The following PLAA variants were observed in gnomAD, a reference collection of about 807,000 sequenced individuals.
The protein encoded by PLAA is phospholipase A-2-activating protein.
PLAA carries 48 observed loss-of-function variants against 84.1 expected under a neutral mutation model. The ratio of observed to expected loss-of-function variants is 0.57; its 90% confidence interval spans 0.45 to 0.73. The LOEUF (loss-of-function observed/expected upper bound fraction) is 0.73, where lower values mean the gene tolerates loss of function less well. PLAA is among the 30% of genes least tolerant of loss of function. The pLI is 0.00. For synonymous variants in PLAA, 392 were observed against 336.6 expected (o/e 1.16, Z -1.80); for missense variants, 903 against 954.7 (o/e 0.95, Z 0.71).
chr9:26,905,496 C>G lies in PLAA; in HGVS notation c.*15G>C, dbSNP rs774443580. The G allele has an allele frequency of 2.6e-6, 4 of 1,553,280 alleles. 1 individual carries two copies. In the South Asian group the frequency reaches 3.6e-5, roughly 14 times the overall value. On this transcript the variant is annotated 3_prime_UTR_variant, in exon 14 of 14. Coordinates refer to ENST00000397292, the MANE Select transcript of PLAA (RefSeq NM_001031689.3). ...ACACTAATCAATTAAAAATATCCGT[C>G]CCTCTTCCCCACTGCTACAGCAAAT...
chr9:26,915,916 A>C, intron 10 of PLAA: 1 of 985,410 alleles, frequency 1.0e-6, no homozygotes, highest in Non-Finnish European at 1.2e-6. Context: ...ACTGTTTCTG[A>C]ACTGCTGATA....
intron 6 of PLAA, among the ~76,000 whole-genome samples, chr9:26,924,200 A>G (rs1036772118): frequency 4.7e-4 from 72 of 152,154 alleles, no homozygotes; most frequent in Non-Finnish European, 1.5e-5. Context: ...CGGCAATCAC[A>G]GCTCACTGCA....
rs1825320500 is a variant in PLAA at position 26,935,215 on chromosome 9, A to G, written c.150-9T>C. 1 of 1,528,482 alleles carries G rather than the reference A, an allele frequency of 6.5e-7. No homozygotes were observed. The highest frequency in any genetic ancestry group is 8.8e-7 in the Non-Finnish European group (1 of 1,141,854). The allele number at this position is 1,528,482 out of a possible 1,614,324, so 94.7% of individuals were successfully genotyped here. A position where few individuals can be genotyped will look rare whatever the true frequency, so the allele number is the denominator to read the frequency against. ...TAAAGCTCCTGTTTGGACTGGAAAG[A>G]CAAGATAATTAATAGATACATATTC... is the stretch of plus-strand genomic sequence containing the variant. On this transcript the variant is annotated splice_polypyrimidine_tract_variant and intron_variant, in intron 1 of 13. Coordinates refer to ENST00000397292, the MANE Select transcript of PLAA (RefSeq NM_001031689.3).
chr9:26,936,745 C>T (rs139281572), intron 1 of PLAA, among the ~76,000 whole-genome samples: 228 of 152,246 alleles, frequency 1.5e-3, no homozygotes, highest in Middle Eastern at 3.4e-3. Flanking sequence ...GCTTTGATCA[C>T]AGAGCAACAA....
chr9:26,934,638 C>T (rs1051499275), intron 2 of PLAA, among the ~76,000 whole-genome samples: 3 of 151,970 alleles, frequency 2.0e-5, no homozygotes, highest in African/African-American at 7.3e-5. Context: ...CATCACCACA[C>T]CTGGATAATT....
At chr9:26,937,715 A>C (rs1355108890) in intron 1 of PLAA, among the ~76,000 whole-genome samples, 1 of 152,134 alleles carries the variant, frequency 6.6e-6, no homozygotes, top group African/African-American at 2.4e-5. Context: ...CCTATAAAGA[A>C]ACCAAAAAGA....
intron 6 of PLAA, among the ~76,000 whole-genome samples, chr9:26,924,188 G>A (rs1824866001): frequency 6.6e-6 from 1 of 152,036 alleles, no homozygotes; most frequent in African/African-American, 2.4e-5. Context: ...GGAGTGCAGG[G>A]GCGGCAATCA....
chr9:26,928,414 G>T lies in PLAA; in HGVS notation c.344-6C>A. ...TCCAGATGATAGACTACAAACTAAG[G>T]AAAAAACATCATTGGATAACACATT... On this transcript the variant is annotated splice_polypyrimidine_tract_variant and splice_region_variant and intron_variant, in intron 2 of 13. Transcript: ENST00000397292. The T allele has an allele frequency of 6.5e-7, 1 of 1,546,342 alleles. No individual in the cohort carries two copies. The highest frequency in any genetic ancestry group is 1.1e-5 in the South Asian group (1 of 89,620).
intron 2 of PLAA, among the ~76,000 whole-genome samples, chr9:26,929,272 C>A (rs924368712): frequency 1.3e-5 from 2 of 151,536 alleles, no homozygotes; most frequent in Non-Finnish European, 2.9e-5. Context: ...GCATTTTGAA[C>A]TGAGCTCAGG....
intron 1 of PLAA, among the ~76,000 whole-genome samples, chr9:26,946,637 G>T (rs535735071): frequency 1.3e-5 from 2 of 152,286 alleles, no homozygotes; most frequent in Admixed American, 6.5e-5. Context: ...AAAACTGAAG[G>T]CCCAAAAGGT....
At chr9:26,915,959 C>T (rs1212575075) in intron 10 of PLAA, 1 of 985,412 alleles carries the variant, frequency 1.0e-6, no homozygotes, top group Non-Finnish European at 1.2e-6. Flanking sequence ...TCTTCAGATC[C>T]TTACTACCAT....
intron 1 of PLAA, among the ~76,000 whole-genome samples, chr9:26,936,663 T>C (rs1406409942): frequency 1.3e-5 from 2 of 152,198 alleles, no homozygotes; most frequent in African/African-American, 2.4e-5. Flanking sequence ...CTCACAGCTG[T>C]AGGAACTAGG....
Position 26,905,336 on chromosome 9 carries a change from C to A in PLAA, c.*175G>T. The A allele has an allele frequency of 1.8e-6, 1 of 557,026 alleles. No individual in the cohort carries two copies. Among genetic ancestry groups the A allele is most frequent in the South Asian group, 2.6e-5 (1 of 38,902 alleles). The allele number at this position is 557,026 out of a possible 1,614,324, so 34.5% of individuals were successfully genotyped here. On this transcript the variant is annotated 3_prime_UTR_variant, in exon 14 of 14. Transcript: ENST00000397292. ...CTACCCAAATTACACAGGAAAATCT[C>A]ACAGTTCAGCAGTGCAAAAATTTTA...
Position 26,935,064 on chromosome 9 carries a change from A to G in PLAA, c.292T>C (p.Ser98Pro). ...TAAAGTGGCATTGGACTGTCCAGTG[A>G]GAAAATGCATATATTGTGGTCATTT... ...GGNDHNICIFSLDSPMPLYIL... is the reference protein window; with the variant it reads ...GGNDHNICIFPLDSPMPLYIL... Residue 98 changes from serine to proline, a missense_variant, in exon 2 of 14, where the codon TCA (serine) becomes CCA (proline). Transcript: ENST00000397292. 6.2e-7 allele frequency: 1 copy of G among 1,609,634 alleles called. No homozygotes were observed. The highest frequency in any genetic ancestry group is 8.5e-7 in the Non-Finnish European group (1 of 1,178,506).
At chr9:26,925,996 T>A in intron 5 of PLAA, 36 bp from the exon 6 acceptor site, 3 of 1,546,674 alleles carry the variant, frequency 1.9e-6, no homozygotes, top group Non-Finnish European at 2.7e-6. Context: ...TTAGTTTGAA[T>A]AAAATTAAGT....
intron 13 of PLAA, among the ~76,000 whole-genome samples, chr9:26,907,453 C>T (rs1222190076): frequency 2.0e-5 from 3 of 147,856 alleles, no homozygotes; most frequent in Non-Finnish European, 4.5e-5. Context: ...GGCGTGAACC[C>T]GGGAGGCGGA....
At chr9:26,912,068 T>G (rs776220994) in intron 11 of PLAA, among the ~76,000 whole-genome samples, 5 of 152,130 alleles carry the variant, frequency 3.3e-5, no homozygotes, top group Admixed American at 1.3e-4. Flanking sequence ...AAAAGTTCCC[T>G]GATGGAAAAG....
At position 26,908,228 on chromosome 9, in the gene PLAA, C is replaced by G. The variant is rs143940586; in HGVS notation, c.1658-230G>C. Among the ~76,000 whole-genome samples, 15 of 146,038 alleles carry G rather than the reference C, an allele frequency of 1.0e-4. No homozygotes were observed. In the East Asian group the frequency reaches 3.0e-3, roughly 29 times the overall value. ...AGTCGCCCAGGCTGGAGTGCAGTGGCGCCATCTTGGCTCACTGCAAGCTCG... is the reference window on the plus strand; with the variant it reads ...AGTCGCCCAGGCTGGAGTGCAGTGGGGCCATCTTGGCTCACTGCAAGCTCG... On this transcript the variant is annotated intron_variant, in intron 12 of 13. Coordinates refer to ENST00000397292, the MANE Select transcript of PLAA (RefSeq NM_001031689.3).
intron 13 of PLAA, among the ~76,000 whole-genome samples, chr9:26,906,943 C>T (rs1233594761): frequency 6.9e-6 from 1 of 144,608 alleles, no homozygotes; most frequent in Non-Finnish European, 1.5e-5. Context: ...AAAAAAAAAA[C>T]ACCTACTGAA....
Sources: gnomAD v4.1 joint callset for allele counts (sites outside exome capture counted in the v4.1 genomes callset) on GRCh38, gnomAD v4.1.1 for gene constraint, MANE v1.5 for transcripts, NCBI Gene and HGNC (gene_info 2026-07-23, HGNC 2026-07-21) for gene names.